MRPL48: variants seen among roughly 807,000 people sequenced by gnomAD.
MRPL48 encodes mitochondrial ribosomal protein L48.
A neutral mutation model predicts 32.9 loss-of-function variants in MRPL48; 16 were observed. That is an observed-to-expected ratio of 0.49 (90% confidence interval 0.33 to 0.74). The LOEUF is 0.74. Among genes scored for constraint, MRPL48 ranks in the 30% least tolerant of loss-of-function variants. The probability of loss-of-function intolerance (pLI) is 0.02; values close to 1 mark genes in which losing one functional copy is unlikely to be tolerated. For missense variants in MRPL48, 206 were observed against 245.3 expected, an observed-to-expected ratio of 0.84 and a Z score of 1.07; for synonymous variants, 94 against 89.2, an observed-to-expected ratio of 1.05 and a Z score of -0.31.
intron 1 of MRPL48, among the ~76,000 whole-genome samples, chr11:73,797,322 T>C (rs1947274138): frequency 6.6e-6 from 1 of 152,198 alleles, no homozygotes. Context: ...GGACAAGAAC[T>C]TGGGACCTGT....
intron 3 of MRPL48, among the ~76,000 whole-genome samples, chr11:73,810,257 C>T (rs2134973997): frequency 6.6e-6 from 1 of 152,312 alleles, no homozygotes. Flanking sequence ...TGCAGTGGCT[C>T]ATGCCTGTAA....
chr11:73,805,341 G>T (rs1230063982), intron 2 of MRPL48, among the ~76,000 whole-genome samples: 2 of 150,728 alleles, frequency 1.3e-5, no homozygotes, highest in African/African-American at 4.9e-5. Context: ...CTGTCACCCA[G>T]GCTGGAGTGC....
chr11:73,819,337 G>T (rs1158010001), intron 3 of MRPL48, among the ~76,000 whole-genome samples: 1 of 152,220 alleles, frequency 6.6e-6, no homozygotes, highest in East Asian at 1.9e-4. Flanking sequence ...CACCTACGAT[G>T]TGTTATCATC....
intron 6 of MRPL48, among the ~76,000 whole-genome samples, chr11:73,862,823 G>T (rs1470122768): frequency 6.6e-6 from 1 of 152,136 alleles, no homozygotes; most frequent in Non-Finnish European, 1.5e-5. Flanking sequence ...GGAGGCTGAG[G>T]TGGGAGGACC....
intron 2 of MRPL48, among the ~76,000 whole-genome samples, chr11:73,805,814 A>G (rs1196835955): frequency 6.6e-6 from 1 of 151,488 alleles, no homozygotes; most frequent in Admixed American, 6.6e-5. Context: ...ATGTACTAGC[A>G]TGCCCCATTC....
At chr11:73,833,345 C>CT (rs11389478) in intron 4 of MRPL48, among the ~76,000 whole-genome samples, 8,354 of 151,954 alleles carry the variant, frequency 0.055, 250 homozygotes, top group Middle Eastern at 0.11. Flanking sequence ...GGTCTGCAGC[C>CT]CCTGGGAGTC....
At chr11:73,861,632 G>A (rs1326729558) in intron 6 of MRPL48, among the ~76,000 whole-genome samples, 1 of 152,026 alleles carries the variant, frequency 6.6e-6, no homozygotes, top group Non-Finnish European at 1.5e-5. Flanking sequence ...GCCTCCCAAA[G>A]TGCTGGGATT....
chr11:73,790,062 A>ATTTTTTTTTTTTTTTTTTTTTTTTTTTT (rs34534770), intron 1 of MRPL48, among the ~76,000 whole-genome samples: 1 of 103,828 alleles, frequency 9.6e-6, no homozygotes, highest in African/African-American at 3.7e-5. Flanking sequence ...TGCTCAGCTA[A>ATTTTTTTTTTTTTTTTTTTTTTTTTTTT]TTTTTTTTTT....
At chr11:73,839,195 G>A (rs907277845) in intron 4 of MRPL48, among the ~76,000 whole-genome samples, 1 of 152,068 alleles carries the variant, frequency 6.6e-6, no homozygotes, top group Non-Finnish European at 1.5e-5. Flanking sequence ...TGTCTTCTCT[G>A]TGCTTCCTCA....
intron 1 of MRPL48, 31 bp from the exon 2 acceptor site, chr11:73,804,996 A>T: frequency 6.4e-7 from 1 of 1,571,946 alleles, no homozygotes; most frequent in Non-Finnish European, 8.6e-7. Context: ...TAAATGCTTA[A>T]GATTGTCCTA....
chr11:73,849,094 T>G (rs78522784), intron 5 of MRPL48, among the ~76,000 whole-genome samples: 8,596 of 152,076 alleles, frequency 0.057, 268 homozygotes, highest in Middle Eastern at 0.11. Context: ...AGTGCTAGGA[T>G]TACAGGCATG....
chr11:73,808,287 T>C, intron 2 of MRPL48, 26 bp from the exon 3 acceptor site: 1 of 1,588,482 alleles, frequency 6.3e-7, no homozygotes, highest in South Asian at 1.1e-5. Context: ...CTAATTGTAT[T>C]GAACATACTT....
intron 5 of MRPL48, among the ~76,000 whole-genome samples, chr11:73,853,847 C>T (rs766486446): frequency 2.4e-4 from 37 of 151,754 alleles, no homozygotes; most frequent in Admixed American, 3.9e-4. Flanking sequence ...CCTGCCACCA[C>T]GCCTGGCTAA....
intron 5 of MRPL48, among the ~76,000 whole-genome samples, chr11:73,853,848 G>A (rs966569822): frequency 2.6e-5 from 4 of 151,566 alleles, no homozygotes; most frequent in African/African-American, 9.7e-5. Context: ...CTGCCACCAC[G>A]CCTGGCTAAT....
chr11:73,859,925 A>G lies in MRPL48; in HGVS notation c.390A>G (p.Lys130=). The change falls in exon 6 of 8, where the codon AAA becomes AAG. Residue 130 remains lysine, a synonymous_variant. Transcript: ENST00000310614. ...KVEESYAMPT[K]TIEVLQLQDQ... ...CCCACAGTTATGCAATGCCAACCAAAACCATAGAAGTGTTGCAGTTGCAGG... is the reference window on the plus strand; with the variant it reads ...CCCACAGTTATGCAATGCCAACCAAGACCATAGAAGTGTTGCAGTTGCAGG... 1.2e-6 allele frequency: 2 copies of G among 1,613,746 alleles called. No homozygotes were observed. Among genetic ancestry groups the G allele is most frequent in the South Asian group, 2.2e-5 (2 of 91,058 alleles).
chr11:73,830,633 C>T (rs1947975978), intron 4 of MRPL48, among the ~76,000 whole-genome samples: 1 of 152,144 alleles, frequency 6.6e-6, no homozygotes, highest in South Asian at 2.1e-4. Flanking sequence ...CAGTCTGGCC[C>T]CTCTACTCTT....
intron 5 of MRPL48, chr11:73,850,955 C>A: frequency 3.2e-6 from 1 of 309,696 alleles, no homozygotes; most frequent in Non-Finnish European, 6.3e-6. Flanking sequence ...GGATTACAGG[C>A]GTGAGCCACC....
intron 6 of MRPL48, 56 bp from the exon 7 acceptor site, chr11:73,863,116 A>G: frequency 6.8e-7 from 1 of 1,459,964 alleles, no homozygotes. Context: ...ATGTCTGCCC[A>G]GTTACCTCGT....
intron 1 of MRPL48, chr11:73,789,314 A>G (rs1362090708): frequency 1.3e-5 from 2 of 152,180 alleles, no homozygotes; most frequent in Non-Finnish European, 2.9e-5. Flanking sequence ...TCGGTTCTCC[A>G]TGTTTCACCA....
Sources: gnomAD v4.1 joint callset for allele counts (sites outside exome capture counted in the v4.1 genomes callset) on GRCh38, gnomAD v4.1.1 for gene constraint, MANE v1.5 for transcripts, NCBI Gene and HGNC (gene_info 2026-07-23, HGNC 2026-07-21) for gene names.